Variants in CTNNA3 observed in about 807,000 individuals in gnomAD.
CTNNA3 encodes catenin alpha 3, also known as catenin alpha-3.
Under a neutral mutation model 95.7 loss-of-function variants are expected in CTNNA3, and 76 were observed. The ratio of observed to expected loss-of-function variants is 0.79; its 90% confidence interval spans 0.66 to 0.96. The LOEUF (loss-of-function observed/expected upper bound fraction) is 0.96, where lower values mean the gene tolerates loss of function less well. Among genes scored for constraint, CTNNA3 ranks in the 40% least tolerant of loss-of-function variants. The pLI, the probability that CTNNA3 is intolerant of heterozygous loss-of-function variation, is 0.00. For missense variants in CTNNA3, 1,191 were observed against 1,089.8 expected (o/e 1.09, Z -1.31); for synonymous variants, 431 against 374.4 (o/e 1.15, Z -1.74).
At chr10:66,255,062 T>C (rs921913226) in intron 13 of CTNNA3, among the ~76,000 whole-genome samples, 1 of 152,204 alleles carries the variant, frequency 6.6e-6, no homozygotes, top group Non-Finnish European at 1.5e-5. Flanking sequence ...AGCAGCAAAA[T>C]CAACTCTGCA....
chr10:66,272,267 A>C (rs895524141), intron 13 of CTNNA3, among the ~76,000 whole-genome samples: 1 of 152,204 alleles, frequency 6.6e-6, no homozygotes, highest in African/African-American at 2.4e-5. Flanking sequence ...TTTAACTGGC[A>C]TTCCATGAGT....
At chr10:66,313,400 T>C (rs554755204) in intron 12 of CTNNA3, among the ~76,000 whole-genome samples, 31 of 152,334 alleles carry the variant, frequency 2.0e-4, no homozygotes, top group Non-Finnish European at 3.8e-4. Flanking sequence ...CAATATCATC[T>C]TCCTTTTATT....
At chr10:66,978,552 A>AATATATATATAT (rs1554890349) in intron 7 of CTNNA3, among the ~76,000 whole-genome samples, 594 of 37,674 alleles carry the variant, frequency 0.016, 13 homozygotes, top group Middle Eastern at 0.04. Context: ...AAAAAAAAAA[A>AATATATATATAT]ATATATATAT....
chr10:67,386,477 G>A (rs1046079672), intron 5 of CTNNA3, among the ~76,000 whole-genome samples: 4 of 152,054 alleles, frequency 2.6e-5, no homozygotes, highest in Non-Finnish European at 5.9e-5. Flanking sequence ...TAAAATGGGC[G>A]TTTCTCACAT....
At chr10:67,714,839 G>T (rs184910532) in intron 1 of CTNNA3, among the ~76,000 whole-genome samples, 1 of 152,314 alleles carries the variant, frequency 6.6e-6, no homozygotes, top group Admixed American at 6.5e-5. Context: ...AGTCTCATGA[G>T]ATATGATGGT....
At chr10:66,403,056 C>T (rs2093032361) in intron 11 of CTNNA3, among the ~76,000 whole-genome samples, 1 of 152,140 alleles carries the variant, frequency 6.6e-6, no homozygotes, top group South Asian at 2.1e-4. Context: ...CTACCTATGA[C>T]CTGTAAGCCC....
intron 15 of CTNNA3, among the ~76,000 whole-genome samples, chr10:66,055,621 G>GT (rs941289689): frequency 2.0e-5 from 3 of 151,864 alleles, no homozygotes; most frequent in Non-Finnish European, 4.4e-5. Context: ...ATAGTCTTTA[G>GT]TTTTTTTAAG....
At chr10:65,944,864 C>G (rs2077487343) in intron 17 of CTNNA3, among the ~76,000 whole-genome samples, 1 of 111,536 alleles carries the variant, frequency 9.0e-6, no homozygotes, top group Admixed American at 9.5e-5. Flanking sequence ...GTCTATCTAT[C>G]TATCTATCTA....
chr10:66,116,554 A>C (rs529231229), intron 13 of CTNNA3, among the ~76,000 whole-genome samples: 2 of 152,240 alleles, frequency 1.3e-5, no homozygotes, highest in Non-Finnish European at 2.9e-5. Context: ...ATAAAAAGGA[A>C]TAAATTTGAT....
chr10:66,451,164 T>C (rs1564977085), intron 11 of CTNNA3, among the ~76,000 whole-genome samples: 1 of 152,160 alleles, frequency 6.6e-6, no homozygotes, highest in Non-Finnish European at 1.5e-5. Context: ...ATCTAACCAA[T>C]GCTTGATTGC....
At chr10:67,562,785 A>G (rs528012682) in intron 3 of CTNNA3, among the ~76,000 whole-genome samples, 266 of 152,250 alleles carry the variant, frequency 1.7e-3, no homozygotes, top group Non-Finnish European at 3.2e-3. Flanking sequence ...AGCAACTTCA[A>G]CAAAGTCTCA....
chr10:66,326,212 A>G (rs2092252104), intron 12 of CTNNA3, among the ~76,000 whole-genome samples: 1 of 152,120 alleles, frequency 6.6e-6, no homozygotes, highest in Non-Finnish European at 1.5e-5. Flanking sequence ...AGCAGAATGT[A>G]TCAAACAGCA....
At chr10:67,170,464 G>A (rs372730198) in intron 7 of CTNNA3, among the ~76,000 whole-genome samples, 3 of 152,296 alleles carry the variant, frequency 2.0e-5, no homozygotes, top group Admixed American at 1.3e-4. Context: ...CGTGTCTTTT[G>A]TGGGAACGTG....
chr10:67,573,582 AAAG>A (rs1842045284), intron 3 of CTNNA3, among the ~76,000 whole-genome samples: 1 of 152,120 alleles, frequency 6.6e-6, no homozygotes, highest in Non-Finnish European at 1.5e-5. Flanking sequence ...TAAAAGCTGA[AAAG>A]AAGAATAAAA....
intron 12 of CTNNA3, among the ~76,000 whole-genome samples, chr10:66,338,006 T>C (rs1422256077): frequency 6.6e-6 from 1 of 152,040 alleles, no homozygotes; most frequent in Non-Finnish European, 1.5e-5. Context: ...GAAATGTTGA[T>C]AACAGCATTA....
chr10:65,948,336 A>AC (rs146538184), intron 17 of CTNNA3, among the ~76,000 whole-genome samples: 1,528 of 150,266 alleles, frequency 0.01, 11 homozygotes, highest in Admixed American at 0.016. Context: ...ATGCATGCAC[A>AC]CCCCCCCCAA....
At chr10:66,536,262 AC>A (rs2132063743) in intron 10 of CTNNA3, among the ~76,000 whole-genome samples, 1 of 152,032 alleles carries the variant, frequency 6.6e-6, no homozygotes, top group South Asian at 2.1e-4. Context: ...TGGGCAGATC[AC>A]CTCAGGTCAA....
In CTNNA3 at chr10:66,570,473, G is replaced by A. The variant is rs1057284323; in HGVS notation, c.1375-49700C>T. Among the ~76,000 whole-genome samples, 3 of 151,890 alleles carry A rather than the reference G, an allele frequency of 2.0e-5. No homozygotes were observed. In the South Asian group the frequency reaches 6.2e-4, roughly 32 times the overall value. On this transcript the variant is annotated intron_variant, in intron 10 of 17. Coordinates refer to ENST00000433211, the MANE Select transcript of CTNNA3 (RefSeq NM_013266.4). ...ACAGCTAATTTTTTTATTTTTAGTA[G>A]AGTCGGGGTTTCATCATGTTGGCCA...
chr10:66,360,596 C>CTTCT (rs869161944), intron 12 of CTNNA3, among the ~76,000 whole-genome samples: 994 of 93,846 alleles, frequency 0.011, 43 homozygotes, highest in Non-Finnish European at 0.012. Flanking sequence ...GTATTCTTTC[C>CTTCT]TTCTTTCTTT....
Sources: gnomAD v4.1 joint callset for allele counts (sites outside exome capture counted in the v4.1 genomes callset) on GRCh38, gnomAD v4.1.1 for gene constraint, MANE v1.5 for transcripts, NCBI Gene and HGNC (gene_info 2026-07-23, HGNC 2026-07-21) for gene names.